AXL: variants seen among roughly 807,000 people sequenced by gnomAD.
AXL encodes tyrosine-protein kinase receptor UFO.
Under a neutral mutation model 104.5 loss-of-function variants are expected in AXL, and 52 were observed. The ratio of observed to expected loss-of-function variants is 0.50; its 90% CI spans 0.40 to 0.63. The LOEUF (loss-of-function observed/expected upper bound fraction) is 0.63, where lower values mean the gene tolerates loss of function less well. Among genes scored for constraint, AXL ranks in the 20% least tolerant of loss-of-function variants. The pLI, the probability that AXL is intolerant of heterozygous loss-of-function variation, is 0.00. For synonymous variants in AXL, 455 were observed against 473.7 expected, an observed-to-expected ratio of 0.96 and a Z score of 0.51; for missense variants, 1,024 against 1,188.5, an observed-to-expected ratio of 0.86 and a Z score of 2.04.
chr19:41,231,615 T>C (rs1599729761), intron 6 of AXL, among the ~76,000 whole-genome samples: 1 of 152,072 alleles, frequency 6.6e-6, no homozygotes, highest in East Asian at 1.9e-4. Context: ...AAATGGTATA[T>C]AGAACATAGG....
intron 14 of AXL, among the ~76,000 whole-genome samples, chr19:41,251,760 C>CA (rs947708694): frequency 2.0e-5 from 3 of 151,614 alleles, no homozygotes; most frequent in South Asian, 2.1e-4. Context: ...CAAAACAAAA[C>CA]AAAAAACCAA....
rs777326148 is a variant in AXL, at chr19:41,248,556, G to A, written c.1580G>A (p.Arg527Gln). The change falls in exon 13 of 20, where the codon CGG (arginine) becomes CAG (glutamine). Residue 527 changes from arginine to glutamine, a missense_variant. Around this residue, in one of 5 missense-constraint regions of AXL, gnomAD observed 523 missense variants for 636.0 expected, o/e 0.82. Transcript: ENST00000301178. ...AGTGAAGAGCTGAAGGAGAAGCTGCGGGATGTGATGGTGGACCGGCACAAG... is the reference window on the plus strand; with the variant it reads ...AGTGAAGAGCTGAAGGAGAAGCTGCAGGATGTGATGGTGGACCGGCACAAG... ...GISEELKEKL[R>Q]DVMVDRHKVA... The A allele has an allele frequency of 6.8e-6, 11 of 1,614,200 alleles. No homozygotes were observed. The Middle Eastern group carries it at 4.9e-4, about 73-fold the overall frequency.
chr19:41,231,103 G>A, intron 5 of AXL, 56 bp downstream of exon 5: 4 of 1,611,576 alleles, frequency 2.5e-6, no homozygotes, highest in South Asian at 1.1e-5. Context: ...TTGGGTCCGG[G>A]GTCAGAGTGG....
At position 41,259,324 on chromosome 19, in the gene AXL, T is replaced by C. The variant is rs12980267; in HGVS notation, c.2334-229T>C. ...ACCCTCATCAGAATACTACTCCATA[T>C]ACAGACAGGTTTCCCGAGACCCTTC... On this transcript the variant is annotated intron_variant, in intron 19 of 19. Coordinates refer to ENST00000301178, the MANE Select transcript of AXL (RefSeq NM_021913.5). Among the ~76,000 whole-genome samples the C allele has an allele frequency of 0.22, 33,836 of 152,014 alleles. 4,118 individuals carry two copies. The highest frequency in any genetic ancestry group is 0.29 in the East Asian group (1,502 of 5,160).
intron 1 of AXL, chr19:41,220,346 A>C: frequency 2.8e-6 from 1 of 362,444 alleles, no homozygotes; most frequent in Non-Finnish European, 5.1e-6. Context: ...CTAAGAGAGG[A>C]CGGAGGGGGC....
chr19:41,252,869 C>G lies in AXL; in HGVS notation c.1828C>G (p.Arg610Gly), dbSNP rs758985963. The change falls in exon 16 of 20, where the codon CGA (arginine) becomes GGA (glycine). Residue 610 changes from arginine to glycine, a missense_variant. Physicochemically the swap from Arg to Gly is moderately radical, Grantham distance 125. Around this residue, in one of 5 missense-constraint regions of AXL, gnomAD observed 523 missense variants for 636.0 expected, o/e 0.82. Coordinates refer to ENST00000301178, the MANE Select transcript of AXL (RefSeq NM_021913.5). ...LIGVCFQGSE[R>G]ESFPAPVVIL... ...AGGTGTCTGTTTCCAGGGTTCTGAA[C>G]GAGAGAGCTTCCCAGCACCTGTGGT... is the stretch of plus-strand genomic sequence containing the variant. 6.2e-7 allele frequency: 1 copy of G among 1,614,056 alleles called. No individual in the cohort carries two copies. The highest frequency in any genetic ancestry group is 8.5e-7 in the Non-Finnish European group (1 of 1,180,000).
chr19:41,231,136 C>A, intron 5 of AXL, 47 bp from the exon 6 acceptor site: 1 of 1,610,630 alleles, frequency 6.2e-7, no homozygotes, highest in Non-Finnish European at 8.5e-7. Flanking sequence ...GGGTAGGGAG[C>A]TTTGAGCAAA....
intron 18 of AXL, among the ~76,000 whole-genome samples, chr19:41,257,167 C>T (rs575610152): frequency 6.6e-6 from 1 of 152,198 alleles, no homozygotes; most frequent in Non-Finnish European, 1.5e-5. Context: ...CCTCAGTCTC[C>T]CGAGTAGCTG....
rs1405402967 is a variant in AXL, at chr19:41,260,859, G to C, written c.*955G>C. The C allele has an allele frequency of 6.6e-6, 1 of 152,114 alleles. No homozygotes were observed. The highest frequency in any genetic ancestry group is 2.4e-5 in the African/African-American group (1 of 41,412). 9.4% of individuals were successfully genotyped at this position (152,114 alleles called of 1,614,324 possible). A position where few individuals can be genotyped will look rare whatever the true frequency, so the allele number is the denominator to read the frequency against. On this transcript the variant is annotated 3_prime_UTR_variant, in exon 20 of 20. Transcript: ENST00000301178. ...AAGGCCTAGGATTCTAAAATGTGAT[G>C]TTCTAAGGCTCTGAGAGTCTAGATT...
At chr19:41,259,296 C>A (rs1190494219) in intron 19 of AXL, among the ~76,000 whole-genome samples, 1 of 152,148 alleles carries the variant, frequency 6.6e-6, no homozygotes, top group Non-Finnish European at 1.5e-5. Context: ...TCTGTTCTAG[C>A]AAACCCTCAT....
chr19:41,253,074 C>T (rs1158441088), intron 16 of AXL, 107 bp downstream of exon 16: 7 of 1,249,244 alleles, frequency 5.6e-6, no homozygotes, highest in Non-Finnish European at 6.7e-6. Context: ...AGCTTGCTCT[C>T]CTGGAGCATT....
At chr19:41,222,095 C>T (rs377131810) in intron 4 of AXL, 39 bp downstream of exon 4, 53 of 1,474,076 alleles carry the variant, frequency 3.6e-5, no homozygotes, top group Non-Finnish European at 4.4e-5. Flanking sequence ...AATAGGGGGC[C>T]GGGCAGGGCT....
chr19:41,238,301 C>A, intron 7 of AXL, 147 bp downstream of exon 7: 1 of 1,419,936 alleles, frequency 7.0e-7, no homozygotes, highest in Non-Finnish European at 9.8e-7. Context: ...AGCAGCACTG[C>A]CCGCTGGCCT....
chr19:41,253,408 C>T (rs908948651), intron 16 of AXL, among the ~76,000 whole-genome samples, 191 bp from the exon 17 acceptor site: 5 of 152,034 alleles, frequency 3.3e-5, no homozygotes, highest in African/African-American at 1.2e-4. Flanking sequence ...AGAACATAGG[C>T]AATCAAGTCC....
At chr19:41,242,794 T>A in intron 10 of AXL, 89 bp from the exon 11 acceptor site, 5 of 1,549,010 alleles carry the variant, frequency 3.2e-6, no homozygotes, top group East Asian at 2.3e-5. Context: ...TGCCGAGGCC[T>A]TCTGCCTCCC....
intron 12 of AXL, among the ~76,000 whole-genome samples, chr19:41,245,205 C>T (rs758512118): frequency 2.0e-5 from 3 of 152,248 alleles, no homozygotes; most frequent in Non-Finnish European, 2.9e-5. Flanking sequence ...TGAGCCACCA[C>T]GCCTGGCCTG....
At chr19:41,234,249 T>C (rs1333931553) in intron 6 of AXL, among the ~76,000 whole-genome samples, 1 of 152,082 alleles carries the variant, frequency 6.6e-6, no homozygotes, top group Non-Finnish European at 1.5e-5. Context: ...ATTGACCCCA[T>C]AGGGTGGTAG....
chr19:41,258,059 G>A (rs1052632182), intron 19 of AXL, among the ~76,000 whole-genome samples: 2 of 152,254 alleles, frequency 1.3e-5, no homozygotes, highest in African/African-American at 2.4e-5. Context: ...GCCTTCTCCA[G>A]ACTCAGGTCT....
intron 1 of AXL, chr19:41,220,371 C>T (rs1025657120): frequency 9.2e-6 from 4 of 434,546 alleles, no homozygotes; most frequent in Middle Eastern, 6.4e-4. Flanking sequence ...GCTGGCCCTG[C>T]CAGGCAGTGC....
Sources: allele counts gnomAD v4.1 joint callset (sites outside exome capture counted in the v4.1 genomes callset), GRCh38; gene constraint gnomAD v4.1.1; regional missense constraint gnomAD v4.1.1; transcripts MANE v1.5; gene names NCBI Gene and HGNC (gene_info 2026-07-23, HGNC 2026-07-21).